Variants in TRAPPC9 observed in about 807,000 individuals in gnomAD.
TRAPPC9 encodes IKK2 binding protein.
A neutral mutation model predicts 124.0 loss-of-function variants in TRAPPC9; 83 were observed. That is an observed-to-expected ratio of 0.67 (90% CI 0.56 to 0.80). The LOEUF (loss-of-function observed/expected upper bound fraction) is 0.80, where lower values mean the gene tolerates loss of function less well. Ranked by LOEUF, TRAPPC9 falls within the 30% of genes least tolerant of loss-of-function variation. The pLI, the probability that TRAPPC9 is intolerant of heterozygous loss-of-function variation, is 0.00. For synonymous variants in TRAPPC9, 638 were observed against 617.5 expected, an observed-to-expected ratio of 1.03 and a Z score of -0.49; for missense variants, 1,302 against 1,508.3, an observed-to-expected ratio of 0.86 and a Z score of 2.27.
chr8:140,163,979 G>T (rs760382974), intron 17 of TRAPPC9, among the ~76,000 whole-genome samples: 1 of 152,184 alleles, frequency 6.6e-6, no homozygotes, highest in Non-Finnish European at 1.5e-5. Flanking sequence ...AATTTAACTC[G>T]TTCGTGAAGA....
chr8:139,934,485 C>T (rs1470205626), intron 19 of TRAPPC9, among the ~76,000 whole-genome samples: 1 of 152,230 alleles, frequency 6.6e-6, no homozygotes, highest in African/African-American at 2.4e-5. Flanking sequence ...TCTTGTAGGC[C>T]ATGCACTGCT....
intron 13 of TRAPPC9, among the ~76,000 whole-genome samples, chr8:140,285,403 G>C (rs1289785783): frequency 2.0e-5 from 3 of 152,146 alleles, no homozygotes; most frequent in Admixed American, 2.0e-4. Context: ...TGCTGTCCCT[G>C]CCTCCAGTCC....
chr8:140,129,029 C>A (rs1192243671), intron 17 of TRAPPC9, among the ~76,000 whole-genome samples: 2 of 145,218 alleles, frequency 1.4e-5, no homozygotes, highest in Admixed American at 1.4e-4. Flanking sequence ...AGACTCCTCT[C>A]CTACAGATCT....
At chr8:140,300,904 T>C (rs2065958221) in intron 10 of TRAPPC9, among the ~76,000 whole-genome samples, 1 of 152,228 alleles carries the variant, frequency 6.6e-6, no homozygotes, top group South Asian at 2.1e-4. Context: ...AAAGGCCAGC[T>C]TGAAATCTCG....
intron 16 of TRAPPC9, among the ~76,000 whole-genome samples, chr8:140,251,020 A>G (rs1285280251): frequency 2.0e-5 from 3 of 152,218 alleles, no homozygotes; most frequent in South Asian, 4.1e-4. Context: ...AAGCACAGTC[A>G]TAACAGGACA....
intron 20 of TRAPPC9, among the ~76,000 whole-genome samples, chr8:139,897,470 C>T (rs1187408682): frequency 1.3e-5 from 2 of 152,212 alleles, no homozygotes; most frequent in South Asian, 4.1e-4. Context: ...AGAAAGAATT[C>T]AGAGGACTGC....
At chr8:139,828,800 C>T (rs1170853169) in intron 21 of TRAPPC9, among the ~76,000 whole-genome samples, 1 of 152,168 alleles carries the variant, frequency 6.6e-6, no homozygotes, top group African/African-American at 2.4e-5. Context: ...CTCTGTCCCC[C>T]AGAGCCCAAC....
intron 21 of TRAPPC9, among the ~76,000 whole-genome samples, chr8:139,811,851 C>G (rs1824465352): frequency 6.6e-6 from 1 of 151,982 alleles, no homozygotes; most frequent in Non-Finnish European, 1.5e-5. Flanking sequence ...CATTTTTTTC[C>G]TATGCACTCT....
chr8:140,443,323 C>T (rs2071110266), intron 2 of TRAPPC9, among the ~76,000 whole-genome samples: 2 of 151,252 alleles, frequency 1.3e-5, no homozygotes, highest in African/African-American at 4.9e-5. Flanking sequence ...GTAGTCCCAG[C>T]TAATCAGGAG....
chr8:139,959,662 C>T (rs888615112), intron 19 of TRAPPC9, among the ~76,000 whole-genome samples: 3 of 152,172 alleles, frequency 2.0e-5, no homozygotes, highest in African/African-American at 7.2e-5. Flanking sequence ...ACAGAGAACC[C>T]AGCGACCAGG....
intron 17 of TRAPPC9, among the ~76,000 whole-genome samples, chr8:140,069,264 C>A (rs1017421883): frequency 6.6e-6 from 1 of 152,166 alleles, no homozygotes; most frequent in African/African-American, 2.4e-5. Context: ...TCAGGGCCCA[C>A]GATCTGAAGG....
rs142792293 is a variant in TRAPPC9 at position 139,831,563 on chromosome 8, T to C, written c.3055+54316A>G. ...ATTTGCTCCCTATAAGGAACTGGCA[T>C]AGACCTGGACTCCTACCCAAGCTCC... is the stretch of plus-strand genomic sequence containing the variant. On this transcript the variant is annotated intron_variant, in intron 21 of 22. Transcript: ENST00000438773. Among the ~76,000 whole-genome samples, 4 of 152,294 alleles carry C rather than the reference T, an allele frequency of 2.6e-5. No homozygotes were observed. The East Asian group carries it at 7.7e-4, about 29-fold the overall frequency.
chr8:139,886,706 C>T (rs1032619654), intron 20 of TRAPPC9, among the ~76,000 whole-genome samples: 1 of 152,222 alleles, frequency 6.6e-6, no homozygotes, highest in Admixed American at 6.5e-5. Flanking sequence ...TTCTTCCTTT[C>T]ATAAATTAAT....
rs2130580063 is a variant in TRAPPC9, at chr8:139,788,297, G to A, written c.3056-56095C>T. Among the ~76,000 whole-genome samples the A allele has an allele frequency of 6.6e-6, 1 of 152,176 alleles. No homozygotes were observed. The highest frequency in any genetic ancestry group is 2.4e-5 in the African/African-American group (1 of 41,422). ...TCAGTGTATGTTGGAGGAGGGGAAGGGTGGTGGATTAATTTTAAAATTTAA... is the reference window on the plus strand; with the variant it reads ...TCAGTGTATGTTGGAGGAGGGGAAGAGTGGTGGATTAATTTTAAAATTTAA... On this transcript the variant is annotated intron_variant, in intron 21 of 22. Coordinates refer to ENST00000438773, the MANE Select transcript of TRAPPC9 (RefSeq NM_001160372.4). The surrounding 1 kb of genome is among the most constrained non-coding windows in gnomAD (Gnocchi z 4.9).
intron 8 of TRAPPC9, among the ~76,000 whole-genome samples, chr8:140,365,650 A>ACCCTG (rs1588223406): frequency 6.6e-6 from 1 of 152,214 alleles, no homozygotes; most frequent in Non-Finnish European, 1.5e-5. Context: ...CTGCACGGCG[A>ACCCTG]CCCTGCCCAG....
chr8:139,943,652 T>C (rs961773057), intron 19 of TRAPPC9, among the ~76,000 whole-genome samples: 5 of 152,316 alleles, frequency 3.3e-5, no homozygotes, highest in Admixed American at 3.3e-4. Flanking sequence ...TCCAGAACAT[T>C]ATTGAAAATA....
chr8:139,849,002 G>A (rs953198734), intron 21 of TRAPPC9, among the ~76,000 whole-genome samples: 1 of 152,210 alleles, frequency 6.6e-6, no homozygotes, highest in African/African-American at 2.4e-5. Context: ...CTCAATGTGG[G>A]TGACTTCCCG....
At chr8:140,395,311 C>G (rs910253885) in intron 7 of TRAPPC9, among the ~76,000 whole-genome samples, 1 of 152,190 alleles carries the variant, frequency 6.6e-6, no homozygotes, top group Non-Finnish European at 1.5e-5. Flanking sequence ...GCCACTTTGA[C>G]TTATCGGCCT....
intron 17 of TRAPPC9, among the ~76,000 whole-genome samples, chr8:140,127,235 C>A (rs80105622): frequency 1.3e-5 from 2 of 152,174 alleles, no homozygotes; most frequent in Non-Finnish European, 2.9e-5. Context: ...TGGATAGAAG[C>A]TCTGTGAGGC....
Sources: gnomAD v4.1 joint callset for allele counts (sites outside exome capture counted in the v4.1 genomes callset) on GRCh38, gnomAD v4.1.1 for gene constraint, Gnocchi (gnomAD v3.1) non-coding constraint, MANE v1.5 for transcripts, NCBI Gene and HGNC (gene_info 2026-07-23, HGNC 2026-07-21) for gene names.